The following BDP1 variants were observed in gnomAD, a reference collection of about 807,000 sequenced individuals.
BDP1 encodes the protein transcription factor TFIIIB component B'' homolog.
Under a neutral mutation model 266.6 loss-of-function variants are expected in BDP1, and 169 were observed. That is an observed-to-expected ratio of 0.63 (90% CI 0.56 to 0.72). The LOEUF is 0.72. Among genes scored for constraint, BDP1 ranks in the 30% least tolerant of loss-of-function variants. The pLI, the probability that BDP1 is intolerant of heterozygous loss-of-function variation, is 0.00. For synonymous variants in BDP1, 1,090 were observed against 1,022.4 expected (o/e 1.07, Z -1.26); for missense variants, 3,015 against 3,053.8 (o/e 0.99, Z 0.30).
intron 36 of BDP1, among the ~76,000 whole-genome samples, chr5:71,557,391 T>G (rs1580220592): frequency 1.1e-5 from 1 of 89,540 alleles, no homozygotes; most frequent in Non-Finnish European, 2.5e-5. Context: ...TTTTTTTTTT[T>G]TTTTTTTTTT....
At chr5:71,468,646 G>T (rs1017066179) in intron 6 of BDP1, among the ~76,000 whole-genome samples, 11 of 132,646 alleles carry the variant, frequency 8.3e-5, no homozygotes, top group Admixed American at 2.7e-4. Context: ...CGCTCTTGTC[G>T]CCTAGGCTGG....
rs1763810905 is a variant in BDP1, at chr5:71,495,240, T to C, written c.1641-10T>C. ...ATTCTTTTCTCTCTGAAATATTTTCTTTTTTTTAGTAATCAACAAGATGCC... is the reference window on the plus strand; with the variant it reads ...ATTCTTTTCTCTCTGAAATATTTTCCTTTTTTTAGTAATCAACAAGATGCC... On this transcript the variant is annotated splice_polypyrimidine_tract_variant and intron_variant, in intron 11 of 38. Transcript: ENST00000358731. 4.1e-6 allele frequency: 6 copies of C among 1,478,716 alleles called. No homozygotes were observed. The highest frequency in any genetic ancestry group is 3.0e-5 in the African/African-American group (2 of 66,360). The allele number at this position is 1,478,716 out of a possible 1,614,324, so 91.6% of individuals were successfully genotyped here.
At chr5:71,473,043 C>A (rs933409228) in intron 7 of BDP1, among the ~76,000 whole-genome samples, 2 of 151,014 alleles carry the variant, frequency 1.3e-5, no homozygotes, top group African/African-American at 2.4e-5. Flanking sequence ...CCACAATGCC[C>A]GGCTAATTTT....
rs1743512182 is a variant in BDP1, at chr5:71,559,974, T to G, written c.7241-8T>G. 6.8e-6 allele frequency: 11 copies of G among 1,611,460 alleles called. No individual in the cohort carries two copies. The highest frequency in any genetic ancestry group is 9.3e-6 in the Non-Finnish European group (11 of 1,179,438). ...ATCCTTGCTTTCCATTTGCTCTTTT[T>G]TTTGAAGGGGAGTCTCACAAGGGAC... On this transcript the variant is annotated splice_region_variant and splice_polypyrimidine_tract_variant and intron_variant, in intron 36 of 38. Transcript: ENST00000358731.
At chr5:71,562,250 A>C in intron 37 of BDP1, 24 bp from the exon 38 acceptor site, 1 of 1,487,904 alleles carries the variant, frequency 6.7e-7, no homozygotes, top group Non-Finnish European at 9.1e-7. Context: ...GTATTCTTGA[A>C]TATCGTTACA....
chr5:71,489,774 C>A, intron 10 of BDP1, 92 bp downstream of exon 10: 1 of 1,085,838 alleles, frequency 9.2e-7, no homozygotes, highest in Non-Finnish European at 1.3e-6. Flanking sequence ...GTCTAGATAG[C>A]AATTAATGAT....
chr5:71,510,174 G>A lies in BDP1; in HGVS notation c.3082G>A (p.Val1028Met). 6.2e-7 allele frequency: 1 copy of A among 1,614,046 alleles called. No individual in the cohort carries two copies. Among genetic ancestry groups the A allele is most frequent in the Non-Finnish European group, 8.5e-7 (1 of 1,180,018 alleles). ...TTCTCCAAGGGAGAAGACACCAGAG[G>A]TGATTGATGCTACTGAGGAAATAGA... is the stretch of plus-strand genomic sequence containing the variant. Reference protein sequence around the residue: ...ESSPREKTPEVIDATEEIDLE... With the variant: ...ESSPREKTPEMIDATEEIDLE... The change falls in exon 17 of 39, where the codon GTG becomes ATG. Residue 1028 changes from valine to methionine, a missense_variant. This residue lies in a region of BDP1 where 2,383 missense variants were observed against 2,404.9 expected (regional missense o/e 0.99). Coordinates refer to ENST00000358731, the MANE Select transcript of BDP1 (RefSeq NM_018429.3).
chr5:71,521,188 A>T (rs1447408390), intron 22 of BDP1, among the ~76,000 whole-genome samples: 3 of 131,732 alleles, frequency 2.3e-5, no homozygotes, highest in African/African-American at 1.0e-4. Context: ...ACTCCGTCTC[A>T]AAAAAAAAAA....
At chr5:71,511,246 C>A in intron 17 of BDP1, 95 bp downstream of exon 17, 1 of 1,215,988 alleles carries the variant, frequency 8.2e-7, no homozygotes, top group Non-Finnish European at 1.2e-6. Flanking sequence ...TCCAACAACA[C>A]TTAAAAATCT....
rs1301846979 is a variant in BDP1, at chr5:71,545,123, A to G, written c.6648A>G (p.Thr2216=). The G allele has an allele frequency of 4.3e-6, 7 of 1,613,658 alleles. No homozygotes were observed. The highest frequency in any genetic ancestry group is 1.3e-5 in the African/African-American group (1 of 74,830). ...PVASSETGPC[T]LGLDRGLGEN... is the part of the protein sequence containing the mutation. The stretch of plus-strand genomic sequence containing the variant: ...CTTCCTCTGAGACAGGGCCCTGCAC[A>G]CTTGGTTTGGATAGGGGTCTTGGTG... Residue 2216 remains threonine, a synonymous_variant, in exon 32 of 39, where the codon ACA becomes ACG. Transcript: ENST00000358731.
intron 11 of BDP1, among the ~76,000 whole-genome samples, chr5:71,491,664 C>T (rs1266411187): frequency 6.6e-6 from 1 of 152,096 alleles, no homozygotes; most frequent in East Asian, 1.9e-4. Flanking sequence ...ACAGCAACTC[C>T]TATTTCCTCC....
At chr5:71,480,902 C>T (rs898427298) in intron 7 of BDP1, among the ~76,000 whole-genome samples, 3 of 152,276 alleles carry the variant, frequency 2.0e-5, no homozygotes, top group South Asian at 4.1e-4. Flanking sequence ...CTAGGCCAGG[C>T]GTAGTGGCTC....
Position 71,508,287 on chromosome 5 carries a change from T to C in BDP1, c.2373-1178T>C, listed in dbSNP as rs572470067. Among the ~76,000 whole-genome samples the C allele has an allele frequency of 2.6e-5, 4 of 152,066 alleles. No individual in the cohort carries two copies. In the South Asian group the frequency reaches 8.3e-4, roughly 32 times the overall value. ...CCTAGCATACTTTTAAGTAAATCTT[T>C]TGCTTATTTGTTTTGTTTTTTGTTT... is the stretch of plus-strand genomic sequence containing the variant. On this transcript the variant is annotated intron_variant, in intron 16 of 38. Coordinates refer to ENST00000358731, the MANE Select transcript of BDP1 (RefSeq NM_018429.3).
At chr5:71,481,769 C>A (rs546817146) in intron 7 of BDP1, among the ~76,000 whole-genome samples, 15 of 152,192 alleles carry the variant, frequency 9.9e-5, no homozygotes, top group African/African-American at 3.6e-4. Context: ...TTATTTTCTT[C>A]TTTTCCCAGA....
Position 71,541,683 on chromosome 5 carries a change from GTTTA to G in BDP1, c.6251+5_6251+8del, listed in dbSNP as rs751053028. 1.3e-6 allele frequency: 2 copies of G among 1,513,170 alleles called. No individual in the cohort carries two copies. The highest frequency in any genetic ancestry group is 1.8e-6 in the Non-Finnish European group (2 of 1,117,552). 93.7% of individuals were successfully genotyped at this position (1,513,170 alleles called of 1,614,324 possible). On this transcript the variant is annotated splice_donor_variant and splice_donor_5th_base_variant and intron_variant, in intron 29 of 38. Coordinates refer to ENST00000358731, the MANE Select transcript of BDP1 (RefSeq NM_018429.3). LOFTEE classifies it high-confidence loss of function. ...TAAAGGAGAATGCTACACCAACCAG[GTTTA>G]TTTTAGTATTCAATTAATAAATATT...
intron 22 of BDP1, among the ~76,000 whole-genome samples, chr5:71,518,834 AC>A (rs1248700173): frequency 9.6e-6 from 1 of 104,568 alleles, no homozygotes. Flanking sequence ...AGTATGGATT[AC>A]TTTTTTTTTT....
intron 25 of BDP1, among the ~76,000 whole-genome samples, chr5:71,531,928 A>G (rs1002735273): frequency 6.6e-6 from 1 of 152,194 alleles, no homozygotes; most frequent in African/African-American, 2.4e-5. Flanking sequence ...TAGGGACTAC[A>G]CTTATCTTAT....
chr5:71,560,667 G>A (rs1010089943), intron 37 of BDP1, among the ~76,000 whole-genome samples: 4 of 152,148 alleles, frequency 2.6e-5, no homozygotes, highest in African/African-American at 9.7e-5. Flanking sequence ...ATAAGAATAA[G>A]TGTTGGAATT....
intron 7 of BDP1, among the ~76,000 whole-genome samples, chr5:71,482,627 T>C (rs1763028734): frequency 6.6e-6 from 1 of 152,230 alleles, no homozygotes. Flanking sequence ...TTTTAAATTG[T>C]TCTGAATTAT....
Sources: allele counts gnomAD v4.1 joint callset (sites outside exome capture counted in the v4.1 genomes callset), GRCh38; gene constraint gnomAD v4.1.1; regional missense constraint gnomAD v4.1.1; transcripts MANE v1.5; gene names NCBI Gene and HGNC (gene_info 2026-07-23, HGNC 2026-07-21).